SFTPD: variants seen among roughly 807,000 people sequenced by gnomAD.
The protein encoded by SFTPD is pulmonary surfactant-associated protein D.
SFTPD carries 18 observed loss-of-function variants against 34.6 expected under a neutral mutation model. The ratio of observed to expected loss-of-function variants is 0.52; its 90% CI spans 0.36 to 0.77. SFTPD has a LOEUF of 0.77. Ranked by LOEUF, SFTPD falls within the 30% of genes least tolerant of loss-of-function variation. The pLI is 0.00. For synonymous variants in SFTPD, 155 were observed against 180.9 expected (o/e 0.86, Z 1.15); for missense variants, 433 against 468.9 (o/e 0.92, Z 0.71).
chr10:79,982,054 C>G (rs1430148177), intron 1 of SFTPD: 1 of 299,024 alleles, frequency 3.3e-6, no homozygotes, highest in East Asian at 7.7e-5. Context: ...CGGCCCTGGA[C>G]GTGCGGGGGG....
chr10:79,959,683 C>A (rs1454053261), intron 1 of SFTPD, among the ~76,000 whole-genome samples: 1 of 152,172 alleles, frequency 6.6e-6, no homozygotes, highest in Non-Finnish European at 1.5e-5. Context: ...AGTCCAGGAC[C>A]AGATGGATTC....
intron 2 of SFTPD, among the ~76,000 whole-genome samples, chr10:79,943,496 T>G (rs530671382): frequency 6.6e-6 from 1 of 152,228 alleles, no homozygotes; most frequent in South Asian, 2.1e-4. Flanking sequence ...CTCAGAGCTT[T>G]CTTCTTCAAA....
At chr10:79,941,867 G>T (rs1425871384) in intron 5 of SFTPD, 87 bp downstream of exon 5, 5 of 837,018 alleles carry the variant, frequency 6.0e-6, no homozygotes, top group Admixed American at 1.9e-5. Context: ...TGCCTTTGTG[G>T]GTGGTGGAGG....
rs1384838627 is a variant in SFTPD, at chr10:79,967,607, A to AT, written c.36+14967dup. On this transcript the variant is annotated intron_variant, in intron 1 of 5. Transcript: ENST00000444384. ...ATGGTACTGGTACCAAAACAGAGATATAGATCAATGGAACAGAACAGAGCC... is the reference window on the plus strand; with the variant it reads ...ATGGTACTGGTACCAAAACAGAGATATTAGATCAATGGAACAGAACAGAGCC... Among the ~76,000 whole-genome samples, 36 of 145,578 alleles carry AT rather than the reference A, an allele frequency of 2.5e-4. 5 individuals carry two copies. Among genetic ancestry groups the AT allele is most frequent in the African/African-American group, 9.5e-4 (36 of 38,054 alleles).
At chr10:79,950,065 A>T (rs1275937293), upstream of SFTPD, 1 of 150,510 alleles carries the variant, frequency 6.6e-6, no homozygotes, top group Non-Finnish European at 1.5e-5. Flanking sequence ...CTGGTCTCAA[A>T]CTCCTGGTCT....
Position 79,940,379 on chromosome 10 carries a change from C to G in SFTPD, c.751+326G>C, listed in dbSNP as rs570590323. Reference sequence around the variant, plus strand: ...TTGAGGTTGGTGGGTAGTTCAGGAGCCTGATGGCCTTAACTATGCTACTGC... The same window carrying G: ...TTGAGGTTGGTGGGTAGTTCAGGAGGCTGATGGCCTTAACTATGCTACTGC... On this transcript the variant is annotated intron_variant, in intron 7 of 7. Transcript: ENST00000372292. 6.0e-4 allele frequency among the ~76,000 whole-genome samples: 91 copies of G among 152,276 alleles called. 1 individual carries two copies. Among genetic ancestry groups the G allele is most frequent in the African/African-American group, 2.1e-3 (87 of 41,554 alleles).
At chr10:79,974,805 AC>A (rs202064129) in intron 1 of SFTPD, among the ~76,000 whole-genome samples, 2,900 of 152,284 alleles carry the variant, frequency 0.019, 102 homozygotes, top group African/African-American at 0.066. Flanking sequence ...GGTCAGGGAG[AC>A]CTCTAACCCA....
chr10:79,956,601 G>A (rs1589339161), intron 1 of SFTPD, among the ~76,000 whole-genome samples: 1 of 152,368 alleles, frequency 6.6e-6, no homozygotes, highest in Admixed American at 6.5e-5. Flanking sequence ...TGAGGCTGGG[G>A]GAGGGGCATC....
intron 2 of SFTPD, 124 bp downstream of exon 2, chr10:79,946,337 C>T (rs1002605642): frequency 8.0e-6 from 6 of 748,168 alleles, no homozygotes; most frequent in Non-Finnish European, 1.3e-5. Flanking sequence ...GTGTGGAACT[C>T]GCCTTCTTGG....
At chr10:79,953,872 G>A (rs908353038), upstream of SFTPD, among the ~76,000 whole-genome samples, 1 of 151,446 alleles carries the variant, frequency 6.6e-6, no homozygotes, top group African/African-American at 2.4e-5. Flanking sequence ...TTGTTCCTCT[G>A]ATTGGATAAT....
chr10:79,942,068 C>T lies in SFTPD; in HGVS notation c.436G>A (p.Glu146Lys). Residue 146 changes from glutamate to lysine, a missense_variant and splice_region_variant, in exon 5 of 8, where the codon GAA becomes AAA. Coordinates refer to ENST00000372292, the MANE Select transcript of SFTPD (RefSeq NM_003019.5). The stretch of plus-strand genomic sequence containing the variant: ...CCCTGCATGCCTGGGGCACCTACTT[C>T]TCCTGAAGAAGGAACACACAGGAAC... ...GPKGEAGPKG[E>K]VGAPGMQGSA... 1 of 1,608,362 alleles carries T rather than the reference C, an allele frequency of 6.2e-7. No homozygotes were observed. Among genetic ancestry groups the T allele is most frequent in the Non-Finnish European group, 8.5e-7 (1 of 1,175,490 alleles).
chr10:79,959,312 A>G (rs1281874433), intron 1 of SFTPD, among the ~76,000 whole-genome samples: 1 of 151,872 alleles, frequency 6.6e-6, no homozygotes, highest in Non-Finnish European at 1.5e-5. Context: ...AACTGAAGGA[A>G]ATAGAGACAC....
rs913221471 is a variant in SFTPD, at chr10:79,937,755, G to T, written c.*97C>A. 40 of 1,321,580 alleles carry T rather than the reference G, an allele frequency of 3.0e-5. No homozygotes were observed. The highest frequency in any genetic ancestry group is 4.1e-5 in the Non-Finnish European group (40 of 975,802). The allele number at this position is 1,321,580 out of a possible 1,614,324, so 81.9% of individuals were successfully genotyped here. Reference sequence around the variant, plus strand: ...AGAGAAGTCCTTCCCGGCACAGATGGTCACCTTTTTATTAGGATATTGGCA... The same window carrying T: ...AGAGAAGTCCTTCCCGGCACAGATGTTCACCTTTTTATTAGGATATTGGCA... On this transcript the variant is annotated 3_prime_UTR_variant, in exon 8 of 8. Transcript: ENST00000372292.
chr10:79,943,991 T>G (rs988836953), intron 2 of SFTPD, among the ~76,000 whole-genome samples: 2 of 152,248 alleles, frequency 1.3e-5, no homozygotes, highest in Non-Finnish European at 2.9e-5. Context: ...ATGGAGGCCA[T>G]GAGAGCACCA....
At chr10:79,955,756 C>T (rs1173536536) in intron 1 of SFTPD, among the ~76,000 whole-genome samples, 4 of 152,196 alleles carry the variant, frequency 2.6e-5, no homozygotes. Flanking sequence ...GAATTCTAGG[C>T]ACTTTACTCT....
At chr10:79,940,639 C>T in intron 7 of SFTPD, 66 bp downstream of exon 7, 2 of 1,095,334 alleles carry the variant, frequency 1.8e-6, no homozygotes, top group Non-Finnish European at 2.8e-6. Context: ...AAGGCCAAAC[C>T]AAGGTCAAGA....
At chr10:79,980,984 G>C (rs1487251754) in intron 1 of SFTPD, among the ~76,000 whole-genome samples, 1 of 152,048 alleles carries the variant, frequency 6.6e-6, no homozygotes, top group Admixed American at 6.5e-5. Flanking sequence ...ACTAAATAAG[G>C]CATCAGTGAC....
intron 1 of SFTPD, among the ~76,000 whole-genome samples, chr10:79,955,742 A>G (rs1334166333): frequency 6.6e-6 from 1 of 152,230 alleles, no homozygotes; most frequent in Non-Finnish European, 1.5e-5. Flanking sequence ...ACCTTTTTGG[A>G]TGAGAATTCT....
intron 1 of SFTPD, among the ~76,000 whole-genome samples, chr10:79,959,413 A>T (rs1241186923): frequency 6.6e-6 from 1 of 152,246 alleles, no homozygotes; most frequent in Non-Finnish European, 1.5e-5. Context: ...CTAATAAAGA[A>T]GAAAAGGGAG....
Sources: gnomAD v4.1 joint callset for allele counts (sites outside exome capture counted in the v4.1 genomes callset) on GRCh38, gnomAD v4.1.1 for gene constraint, MANE v1.5 for transcripts, NCBI Gene and HGNC (gene_info 2026-07-23, HGNC 2026-07-21) for gene names.